Variants in UBR3 observed in about 807,000 individuals in gnomAD.
The protein encoded by UBR3 is E3 ubiquitin-protein ligase UBR3.
UBR3 carries 85 observed loss-of-function variants against 243.2 expected under a neutral mutation model. The observed-to-expected ratio is 0.35, with a 90% CI of 0.29 to 0.42. UBR3 has a LOEUF of 0.42. Ranked by LOEUF, UBR3 falls within the 10% of genes least tolerant of loss-of-function variation. The pLI is 1.00. For missense variants in UBR3, 1,686 were observed against 2,300.8 expected, an observed-to-expected ratio of 0.73 and a Z score of 5.47; for synonymous variants, 748 against 799.8, an observed-to-expected ratio of 0.94 and a Z score of 1.09.
intron 26 of UBR3, 105 bp from the exon 27 acceptor site, chr2:170,001,199 T>C: frequency 1.3e-6 from 1 of 757,918 alleles, no homozygotes; most frequent in Non-Finnish European, 2.1e-6. Flanking sequence ...TCCACATTAA[T>C]ATAAAAATAG....
At chr2:169,877,215 C>T (rs1289175633) in intron 3 of UBR3, among the ~76,000 whole-genome samples, 1 of 152,174 alleles carries the variant, frequency 6.6e-6, no homozygotes, top group African/African-American at 2.4e-5. Context: ...AAGTTCGGAT[C>T]ATGTCTTATT....
At chr2:169,944,542 T>A (rs1327727901) in intron 20 of UBR3, among the ~76,000 whole-genome samples, 1 of 152,202 alleles carries the variant, frequency 6.6e-6, no homozygotes, top group African/African-American at 2.4e-5. Context: ...CTTTCTTGAT[T>A]TTACTACTAG....
At chr2:169,866,651 C>T (rs1021361334) in intron 1 of UBR3, among the ~76,000 whole-genome samples, 4 of 152,146 alleles carry the variant, frequency 2.6e-5, no homozygotes, top group Non-Finnish European at 4.4e-5. Context: ...GTGTGAGCAA[C>T]CGTGCCCGGA....
chr2:170,032,941 T>G (rs1559203994), intron 31 of UBR3, among the ~76,000 whole-genome samples: 1 of 152,026 alleles, frequency 6.6e-6, no homozygotes, highest in Non-Finnish European at 1.5e-5. Flanking sequence ...AAACAAAACT[T>G]TGTGTGTGTA....
intron 26 of UBR3, among the ~76,000 whole-genome samples, chr2:169,997,605 C>T (rs1386070975): frequency 6.6e-6 from 1 of 152,084 alleles, no homozygotes; most frequent in East Asian, 1.9e-4. Flanking sequence ...CATGTTACAG[C>T]CCTTTTTGCT....
intron 29 of UBR3, among the ~76,000 whole-genome samples, chr2:170,010,762 G>A (rs2090058297): frequency 6.6e-6 from 1 of 151,972 alleles, no homozygotes. Flanking sequence ...GAAAATGAGT[G>A]TATATAACAC....
At chr2:170,031,735 C>T (rs1399430389) in intron 31 of UBR3, among the ~76,000 whole-genome samples, 3 of 152,000 alleles carry the variant, frequency 2.0e-5, no homozygotes, top group Non-Finnish European at 4.4e-5. Context: ...TCCATGAGTA[C>T]CTAATGTTTA....
At chr2:170,065,478 A>T (rs2105450243) in intron 35 of UBR3, among the ~76,000 whole-genome samples, 1 of 152,224 alleles carries the variant, frequency 6.6e-6, no homozygotes, top group South Asian at 2.1e-4. Flanking sequence ...TAGTGGAGAC[A>T]GGATTTCACC....
At chr2:169,983,134 A>G (rs747967407) in intron 24 of UBR3, among the ~76,000 whole-genome samples, 1 of 152,010 alleles carries the variant, frequency 6.6e-6, no homozygotes. Flanking sequence ...GAGTGAGAGC[A>G]AGAGAGAGAA....
chr2:170,025,696 C>T (rs981548259), intron 30 of UBR3, among the ~76,000 whole-genome samples: 1 of 152,006 alleles, frequency 6.6e-6, no homozygotes, highest in Admixed American at 6.6e-5. Flanking sequence ...AGGTGGAAAA[C>T]AGTGTAGTGG....
intron 10 of UBR3, among the ~76,000 whole-genome samples, chr2:169,913,069 C>T (rs1308870812): frequency 6.6e-6 from 1 of 152,224 alleles, no homozygotes; most frequent in Non-Finnish European, 1.5e-5. Flanking sequence ...AGGCATGAGC[C>T]ACTGTGCCCA....
intron 24 of UBR3, among the ~76,000 whole-genome samples, chr2:169,979,701 A>G (rs1313749038): frequency 1.3e-5 from 2 of 152,226 alleles, no homozygotes; most frequent in Admixed American, 1.3e-4. Context: ...GGAAAATGCA[A>G]AACTAGAGAC....
intron 10 of UBR3, among the ~76,000 whole-genome samples, chr2:169,906,656 A>C (rs2105334088): frequency 6.6e-6 from 1 of 152,318 alleles, no homozygotes; most frequent in East Asian, 1.9e-4. Context: ...AGACTTGACT[A>C]AAATTTTGAT....
rs368081368 is a variant in UBR3 at position 169,972,533 on chromosome 2, G to A, written c.3634+14007G>A. 1.8e-4 allele frequency among the ~76,000 whole-genome samples: 28 copies of A among 152,102 alleles called. No individual in the cohort carries two copies. The East Asian group carries it at 4.8e-3, about 26-fold the overall frequency. ...ATCCTCAATAAAATACTGGCAAAAC[G>A]AATCCAGCAGCACATCAAAAAGCTT... On this transcript the variant is annotated intron_variant, in intron 24 of 38. Coordinates refer to ENST00000272793, the MANE Select transcript of UBR3 (RefSeq NM_172070.4).
chr2:169,857,474 T>TG (rs1484688599), intron 1 of UBR3, among the ~76,000 whole-genome samples: 3 of 152,140 alleles, frequency 2.0e-5, no homozygotes, highest in Non-Finnish European at 4.4e-5. Context: ...TGGAGTGCAA[T>TG]TGTGCGATCT....
intron 1 of UBR3, among the ~76,000 whole-genome samples, chr2:169,843,607 G>C (rs2082369417): frequency 6.6e-6 from 1 of 152,164 alleles, no homozygotes; most frequent in Non-Finnish European, 1.5e-5. Context: ...AATAATTATT[G>C]ACTATTGAAC....
intron 29 of UBR3, 59 bp downstream of exon 29, chr2:170,008,999 T>A: frequency 2.7e-6 from 3 of 1,106,822 alleles, no homozygotes; most frequent in Non-Finnish European, 3.7e-6. Context: ...GATTTTATTA[T>A]TTAATAAATA....
At position 170,043,185 on chromosome 2, in the gene UBR3, CTT is replaced by C. The variant is rs1364466086; in HGVS notation, c.4660+2201_4660+2202del. On this transcript the variant is annotated intron_variant, in intron 32 of 38. Transcript: ENST00000272793. ...CCTGAAAAGGTAAAAGAGAAGGAAA[CTT>C]GACATAGAGAAGATTGTCTCTCTGT... Among the ~76,000 whole-genome samples the C allele has an allele frequency of 2.6e-5, 4 of 152,002 alleles. No individual in the cohort carries two copies. In the East Asian group the frequency reaches 5.8e-4, roughly 22 times the overall value.
rs145767110 is a variant in UBR3 at position 169,911,231 on chromosome 2, T to TA, written c.1780-2828dup. On this transcript the variant is annotated intron_variant, in intron 10 of 38. Transcript: ENST00000272793. Reference sequence around the variant, plus strand: ...TGACATGTTTCTAGAATTTTACTGATACTTGCTTTCTGAGGAGAAAAATAA... The same window carrying TA: ...TGACATGTTTCTAGAATTTTACTGATAACTTGCTTTCTGAGGAGAAAAATAA... Among the ~76,000 whole-genome samples, 808 of 152,296 alleles carry TA rather than the reference T, an allele frequency of 5.3e-3. 4 individuals are homozygous for TA. The highest frequency in any genetic ancestry group is 7.6e-3 in the Non-Finnish European group (518 of 67,982).
Sources: allele counts gnomAD v4.1 joint callset (sites outside exome capture counted in the v4.1 genomes callset), GRCh38; gene constraint gnomAD v4.1.1; transcripts MANE v1.5; gene names NCBI Gene and HGNC (gene_info 2026-07-23, HGNC 2026-07-21).